The following WDR72 variants were observed in gnomAD, a reference collection of about 807,000 sequenced individuals.
WDR72 encodes the protein WD repeat-containing protein 72.
A neutral mutation model predicts 124.2 loss-of-function variants in WDR72; 120 were observed. The observed-to-expected ratio is 0.97, with a 90% CI of 0.83 to 1.12. The LOEUF (loss-of-function observed/expected upper bound fraction) is 1.12, where lower values mean the gene tolerates loss of function less well. Ranked by LOEUF, WDR72 falls within the 50% of genes most tolerant of loss-of-function variation. The pLI is 0.00. For synonymous variants in WDR72, 452 were observed against 441.7 expected (o/e 1.02, Z -0.29); for missense variants, 1,387 against 1,278.8 (o/e 1.08, Z -1.29).
intron 14 of WDR72, among the ~76,000 whole-genome samples, chr15:53,653,320 C>T (rs2015306313): frequency 6.6e-6 from 1 of 152,074 alleles, no homozygotes; most frequent in Non-Finnish European, 1.5e-5. Flanking sequence ...CTGTAACTGT[C>T]CCCTTTGAAC....
chr15:53,661,529 AC>A (rs1300870975), intron 14 of WDR72, among the ~76,000 whole-genome samples: 12 of 152,190 alleles, frequency 7.9e-5, no homozygotes, highest in African/African-American at 2.9e-4. Flanking sequence ...ACACTGAGGA[AC>A]AAATTTCAAC....
chr15:53,666,521 G>A (rs937684655), intron 13 of WDR72, among the ~76,000 whole-genome samples: 5 of 151,958 alleles, frequency 3.3e-5, no homozygotes, highest in Non-Finnish European at 5.9e-5. Context: ...CAATAAATAC[G>A]AATTAATCAT....
intron 2 of WDR72, among the ~76,000 whole-genome samples, chr15:53,727,098 G>A (rs373751335): frequency 1.3e-5 from 2 of 151,794 alleles, no homozygotes; most frequent in East Asian, 3.9e-4. Context: ...GATCACTTGA[G>A]GTCAGATATT....
intron 2 of WDR72, among the ~76,000 whole-genome samples, chr15:53,732,091 G>C (rs76027737): frequency 0.013 from 1,999 of 152,210 alleles, 46 homozygotes; most frequent in African/African-American, 0.046. Context: ...CACAACTGTT[G>C]CAATAATACC....
intron 6 of WDR72, among the ~76,000 whole-genome samples, chr15:53,713,749 T>C (rs531448882): frequency 2.6e-4 from 40 of 152,178 alleles, no homozygotes; most frequent in African/African-American, 8.7e-4. Flanking sequence ...TGAGCCACTG[T>C]GCATGGCCTA....
intron 16 of WDR72, among the ~76,000 whole-genome samples, chr15:53,612,700 G>A: frequency 6.6e-6 from 1 of 152,066 alleles, no homozygotes; most frequent in East Asian, 1.9e-4. Context: ...CTATAGTAAG[G>A]ACAATGGCTT....
intron 18 of WDR72, among the ~76,000 whole-genome samples, chr15:53,550,782 T>G (rs899318545): frequency 2.0e-5 from 3 of 152,298 alleles, no homozygotes; most frequent in South Asian, 4.1e-4. Context: ...GGAATATTTA[T>G]TGAGCACCTA....
At chr15:53,518,543 T>TATATCTTCCTACTGG (rs1464736134) in intron 19 of WDR72, among the ~76,000 whole-genome samples, 2 of 151,662 alleles carry the variant, frequency 1.3e-5, no homozygotes, top group Non-Finnish European at 2.9e-5. Flanking sequence ...AGAAAGTGCT[T>TATATCTTCCTACTGG]ATATCTTCCT....
intron 18 of WDR72, among the ~76,000 whole-genome samples, chr15:53,568,709 TC>T (rs1422932309): frequency 6.6e-6 from 1 of 152,008 alleles, no homozygotes; most frequent in Non-Finnish European, 1.5e-5. Flanking sequence ...CAATTCCTGC[TC>T]CAAAAGGACC....
intron 18 of WDR72, among the ~76,000 whole-genome samples, chr15:53,575,176 T>C (rs1894705539): frequency 6.6e-6 from 1 of 152,102 alleles, no homozygotes; most frequent in Non-Finnish European, 1.5e-5. Context: ...CCATATCGTA[T>C]GTTCCGAACT....
intron 6 of WDR72, among the ~76,000 whole-genome samples, 184 bp downstream of exon 6, chr15:53,714,250 C>T (rs1191395403): frequency 6.6e-6 from 1 of 151,596 alleles, no homozygotes; most frequent in Non-Finnish European, 1.5e-5. Context: ...TGGAAGGATA[C>T]AAGCCAAGTG....
At position 53,742,174 on chromosome 15, in the gene WDR72, T is replaced by C. The variant is rs1445615484; in HGVS notation, c.-12-9013A>G. Among the ~76,000 whole-genome samples, 4 of 152,290 alleles carry C rather than the reference T, an allele frequency of 2.6e-5. No individual in the cohort carries two copies. In the East Asian group the frequency reaches 5.8e-4, roughly 22 times the overall value. On this transcript the variant is annotated intron_variant, in intron 1 of 19. Transcript: ENST00000360509. ...GACTCTTTATCTTTCCCCAGCAAAA[T>C]TTAAAAAGTAACCCCAGAAACGTAG...
intron 18 of WDR72, among the ~76,000 whole-genome samples, chr15:53,555,449 C>A (rs919815744): frequency 2.4e-4 from 36 of 152,016 alleles, no homozygotes; most frequent in African/African-American, 8.5e-4. Context: ...AGAGAGAGAA[C>A]ATGTGCAAGT....
At chr15:53,687,908 A>G (rs2016699334) in intron 13 of WDR72, among the ~76,000 whole-genome samples, 1 of 150,058 alleles carries the variant, frequency 6.7e-6, no homozygotes, top group Non-Finnish European at 1.5e-5. Flanking sequence ...CTGGTTCAAT[A>G]TACACAAATC....
intron 18 of WDR72, among the ~76,000 whole-genome samples, chr15:53,593,411 G>C: frequency 6.6e-6 from 1 of 152,008 alleles, no homozygotes; most frequent in South Asian, 2.1e-4. Flanking sequence ...CTGTAGGCAA[G>C]ACACAAAACC....
intron 1 of WDR72, among the ~76,000 whole-genome samples, chr15:53,740,840 A>G (rs901044859): frequency 1.3e-5 from 2 of 152,236 alleles, no homozygotes; most frequent in African/African-American, 4.8e-5. Context: ...TCTGAGCCTC[A>G]GTTTCCTCAT....
intron 18 of WDR72, among the ~76,000 whole-genome samples, chr15:53,547,480 G>T (rs1455989993): frequency 6.6e-6 from 1 of 152,144 alleles, no homozygotes; most frequent in African/African-American, 2.4e-5. Context: ...GTGCTACTGG[G>T]TGACAGAGCA....
At chr15:53,596,931 C>T (rs965037705) in intron 18 of WDR72, 148 bp downstream of exon 18, 1 of 773,754 alleles carries the variant, frequency 1.3e-6, no homozygotes, top group African/African-American at 1.7e-5. Context: ...AGATATAACC[C>T]CATCATAAGT....
At position 53,514,541 on chromosome 15, in the gene WDR72, A is replaced by G. The variant is rs1891330649; in HGVS notation, c.*3158T>C. The G allele has an allele frequency of 6.6e-6, 1 of 152,168 alleles. No homozygotes were observed. The allele number at this position is 152,168 out of a possible 1,614,324, so 9.4% of individuals were successfully genotyped here. A position where few individuals can be genotyped will look rare whatever the true frequency, so the allele number is the denominator to read the frequency against. On this transcript the variant is annotated 3_prime_UTR_variant, in exon 20 of 20. Coordinates refer to ENST00000360509, the MANE Select transcript of WDR72 (RefSeq NM_182758.4). ...AGAACACTGGAAAAAATGTATGAGAAAAGAAATAAAAGTCACCAAATGCTA... is the reference window on the plus strand; with the variant it reads ...AGAACACTGGAAAAAATGTATGAGAGAAGAAATAAAAGTCACCAAATGCTA...
Sources: allele counts gnomAD v4.1 joint callset (sites outside exome capture counted in the v4.1 genomes callset), GRCh38; gene constraint gnomAD v4.1.1; transcripts MANE v1.5; gene names NCBI Gene and HGNC (gene_info 2026-07-23, HGNC 2026-07-21).